The following GNB1L variants were observed in gnomAD, a reference collection of about 807,000 sequenced individuals.
GNB1L encodes the protein G protein subunit beta 1 like.
A neutral mutation model predicts 29.1 loss-of-function variants in GNB1L; 20 were observed. That is an observed-to-expected ratio of 0.69 (90% CI 0.48 to 1.00). The LOEUF (loss-of-function observed/expected upper bound fraction) is 1.00, where lower values mean the gene tolerates loss of function less well. GNB1L is among the 50% of genes least tolerant of loss of function. The probability of loss-of-function intolerance (pLI) is 0.00; values close to 1 mark genes in which losing one functional copy is unlikely to be tolerated. For missense variants in GNB1L, 421 were observed against 464.9 expected, an observed-to-expected ratio of 0.91 and a Z score of 0.87; for synonymous variants, 193 against 206.5, an observed-to-expected ratio of 0.93 and a Z score of 0.56.
At chr22:19,831,364 A>T (rs1169695627) in intron 2 of GNB1L, among the ~76,000 whole-genome samples, 2 of 86,596 alleles carry the variant, frequency 2.3e-5, no homozygotes, top group Non-Finnish European at 4.7e-5. Flanking sequence ...GACTCTATCT[A>T]AAAAAAAAAA....
intron 7 of GNB1L, among the ~76,000 whole-genome samples, chr22:19,800,982 T>C (rs1473473424): frequency 2.6e-5 from 4 of 152,184 alleles, no homozygotes; most frequent in African/African-American, 9.6e-5. Context: ...TTGCTGGGGC[T>C]GCGGGCAAGT....
At chr22:19,799,031 G>T (rs1297677435) in intron 7 of GNB1L, among the ~76,000 whole-genome samples, 1 of 152,234 alleles carries the variant, frequency 6.6e-6, no homozygotes, top group African/African-American at 2.4e-5. Context: ...CTCTGCTACT[G>T]CCCTCTAAAG....
At chr22:19,827,585 T>C (rs193077651) in intron 2 of GNB1L, among the ~76,000 whole-genome samples, 63 of 152,318 alleles carry the variant, frequency 4.1e-4, no homozygotes, top group Admixed American at 2.2e-3. Flanking sequence ...CCAATAAATA[T>C]ATGCAAAGAT....
intron 2 of GNB1L, among the ~76,000 whole-genome samples, chr22:19,842,775 G>C (rs965430769): frequency 3.9e-5 from 6 of 152,184 alleles, no homozygotes; most frequent in Admixed American, 3.3e-4. Context: ...CGGCTACCAG[G>C]GCCAGCTACT....
At chr22:19,828,083 A>C (rs769894233) in intron 2 of GNB1L, among the ~76,000 whole-genome samples, 19 of 152,248 alleles carry the variant, frequency 1.2e-4, no homozygotes, top group Non-Finnish European at 2.6e-4. Flanking sequence ...AGACACAGAC[A>C]GAAATAAAAT....
intron 2 of GNB1L, among the ~76,000 whole-genome samples, chr22:19,834,508 A>G (rs761181809): frequency 1.8e-4 from 27 of 152,252 alleles, no homozygotes; most frequent in African/African-American, 4.8e-4. Context: ...TATGATTGTT[A>G]AAATTGTATT....
Position 19,786,623 on chromosome 22 carries a change from G to C in GNB1L, c.*2086C>G, listed in dbSNP as rs1937193925. ...GCCCAGAACCCTCAGGGTGGGAGCT[G>C]AGGCGGGGCAGATGTGCCTTTGGCA... On this transcript the variant is annotated 3_prime_UTR_variant, in exon 8 of 8. Transcript: ENST00000329517. The C allele has an allele frequency of 6.6e-6, 1 of 152,266 alleles. No homozygotes were observed. 9.4% of individuals were successfully genotyped at this position (152,266 alleles called of 1,614,324 possible). A position where few individuals can be genotyped will look rare whatever the true frequency, so the allele number is the denominator to read the frequency against.
At chr22:19,801,106 C>T (rs1276712200) in intron 7 of GNB1L, among the ~76,000 whole-genome samples, 1 of 152,228 alleles carries the variant, frequency 6.6e-6, no homozygotes, top group East Asian at 1.9e-4. Flanking sequence ...CTTGGTGAGG[C>T]TGGGAGCTGT....
intron 2 of GNB1L, chr22:19,852,114 G>A: frequency 1.2e-6 from 2 of 1,614,222 alleles, no homozygotes; most frequent in Non-Finnish European, 1.7e-6. Flanking sequence ...CCACAGCAGG[G>A]CCGCTCAATC....
At chr22:19,806,608 A>C in intron 6 of GNB1L, 51 bp downstream of exon 6, 1 of 1,126,030 alleles carries the variant, frequency 8.9e-7, no homozygotes, top group Non-Finnish European at 1.3e-6. Flanking sequence ...AGCATGACTC[A>C]TGGCCGTGGG....
At chr22:19,789,516 G>A (rs885986) in intron 7 of GNB1L, among the ~76,000 whole-genome samples, 3,668 of 150,836 alleles carry the variant, frequency 0.024, 161 homozygotes, top group African/African-American at 0.086. Context: ...ATGAGGGGGG[G>A]ACAAGGGGGA....
At chr22:19,799,764 C>A (rs187654687) in intron 7 of GNB1L, among the ~76,000 whole-genome samples, 74 of 152,316 alleles carry the variant, frequency 4.9e-4, no homozygotes, top group African/African-American at 1.7e-3. Flanking sequence ...GGTCACCTTG[C>A]TTGCTCCCGG....
chr22:19,801,433 T>TGG (rs75024316), intron 7 of GNB1L, among the ~76,000 whole-genome samples: 17,875 of 152,110 alleles, frequency 0.12, 1,733 homozygotes, highest in East Asian at 0.48. Flanking sequence ...CAGGCCACCC[T>TGG]GGAGCCACAG....
intron 2 of GNB1L, among the ~76,000 whole-genome samples, chr22:19,845,192 C>A (rs1489831498): frequency 6.6e-6 from 1 of 152,236 alleles, no homozygotes; most frequent in African/African-American, 2.4e-5. Flanking sequence ...CAACTCCCGA[C>A]CACCCAGCTG....
Position 19,788,355 on chromosome 22 carries a change from C to T in GNB1L, c.*354G>A. 1.7e-6 allele frequency: 1 copy of T among 576,726 alleles called. No homozygotes were observed. The highest frequency in any genetic ancestry group is 2.9e-5 in the East Asian group (1 of 34,704). 35.7% of individuals were successfully genotyped at this position (576,726 alleles called of 1,614,324 possible). ...ATCCTGCCTGGTGGGGGTCTGAGGG[C>T]ACTGATGCTAAGTGGGGGACCAGGG... On this transcript the variant is annotated 3_prime_UTR_variant, in exon 8 of 8. Transcript: ENST00000329517.
chr22:19,810,697 G>A (rs1233623978), intron 5 of GNB1L, among the ~76,000 whole-genome samples: 1 of 152,110 alleles, frequency 6.6e-6, no homozygotes, highest in Non-Finnish European at 1.5e-5. Context: ...CCACCCAGCC[G>A]GCCGAGTGGG....
rs1937975290 is a variant in GNB1L, at chr22:19,846,923, T to A, written c.-21+7520A>T. The stretch of plus-strand genomic sequence containing the variant: ...GGCAGCCCCAGCAGACAAACAGGTA[T>A]GTTGCCCTGGGATGGATGCAGGCCC... On this transcript the variant is annotated intron_variant, in intron 2 of 7. Coordinates refer to ENST00000329517, the MANE Select transcript of GNB1L (RefSeq NM_053004.3). 14 of 985,298 alleles carry A rather than the reference T, an allele frequency of 1.4e-5. No individual in the cohort carries two copies. In the South Asian group the frequency reaches 6.1e-4, roughly 43 times the overall value. The allele number at this position is 985,298 out of a possible 1,614,324, so 61.0% of individuals were successfully genotyped here. A position where few individuals can be genotyped will look rare whatever the true frequency, so the allele number is the denominator to read the frequency against.
chr22:19,825,032 C>A (rs976379502), intron 2 of GNB1L, among the ~76,000 whole-genome samples: 3 of 152,252 alleles, frequency 2.0e-5, no homozygotes, highest in African/African-American at 7.2e-5. Context: ...GGGGAGCCAC[C>A]ACCCAGAGAG....
At position 19,847,803 on chromosome 22, in the gene GNB1L, G is replaced by GAAAAAAAAAA. The variant is rs1468350618; in HGVS notation, c.-21+6639_-21+6640insTTTTTTTTTT. 64 of 440,332 alleles carry GAAAAAAAAAA rather than the reference G, an allele frequency of 1.5e-4. No individual in the cohort carries two copies. The African/African-American group carries it at 1.6e-3, about 11-fold the overall frequency. The allele number at this position is 440,332 out of a possible 1,614,324, so 27.3% of individuals were successfully genotyped here. A position where few individuals can be genotyped will look rare whatever the true frequency, so the allele number is the denominator to read the frequency against. ...AACTTTTAAAATCCTGGAATCATAG[G>GAAAAAAAAAA]CAAAAAAAAAAAAAAAAAAAAATTC... On this transcript the variant is annotated intron_variant, in intron 2 of 7. Coordinates refer to ENST00000329517, the MANE Select transcript of GNB1L (RefSeq NM_053004.3).
Sources: gnomAD v4.1 joint callset for allele counts (sites outside exome capture counted in the v4.1 genomes callset) on GRCh38, gnomAD v4.1.1 for gene constraint, MANE v1.5 for transcripts, NCBI Gene and HGNC (gene_info 2026-07-23, HGNC 2026-07-21) for gene names.